OSBP2: variants seen among roughly 807,000 people sequenced by gnomAD.
The protein encoded by OSBP2 is oxysterol-binding protein 2.
A neutral mutation model predicts 96.0 loss-of-function variants in OSBP2; 66 were observed. That is an observed-to-expected ratio of 0.69 (90% confidence interval 0.56 to 0.84). The LOEUF is 0.84. Ranked by LOEUF, OSBP2 falls within the 40% of genes least tolerant of loss-of-function variation. The pLI is 0.00. For synonymous variants in OSBP2, 525 were observed against 520.9 expected (o/e 1.01, Z -0.11); for missense variants, 1,038 against 1,222.7 (o/e 0.85, Z 2.25).
rs543354198 is a variant in OSBP2 at position 30,718,788 on chromosome 22, A to G, written c.645-22373A>G. ...CAGTACTAACAGATTTGTTGCAGAA[A>G]TGGCCTGGGCCCTTGCTCCTGAGCC... On this transcript the variant is annotated intron_variant, in intron 1 of 13. Coordinates refer to ENST00000332585, the MANE Select transcript of OSBP2 (RefSeq NM_030758.4). 3.9e-4 allele frequency among the ~76,000 whole-genome samples: 60 copies of G among 152,194 alleles called. 2 individuals are homozygous for G. In the Middle Eastern group the frequency reaches 0.027, roughly 69 times the overall value.
chr22:30,816,423 A>G (rs136233), intron 2 of OSBP2, among the ~76,000 whole-genome samples: 24,415 of 152,104 alleles, frequency 0.16, 2,071 homozygotes, highest in East Asian at 0.19. Flanking sequence ...TGACATAGCA[A>G]TAGAATGGGC....
chr22:30,860,301 G>A (rs780163482), intron 2 of OSBP2, among the ~76,000 whole-genome samples: 1 of 152,130 alleles, frequency 6.6e-6, no homozygotes, highest in Non-Finnish European at 1.5e-5. Flanking sequence ...TTGGGGTTTA[G>A]AGTGAGCCCT....
rs2039430755 is a variant in OSBP2, at chr22:30,870,296, G to C, written c.854-133G>C. ...GGCACCTCACCCCGGCCAGGAACAG[G>C]AACGGGCACCATCTCGGGGACTGAT... is the stretch of plus-strand genomic sequence containing the variant. On this transcript the variant is annotated intron_variant, in intron 2 of 13. Coordinates refer to ENST00000332585, the MANE Select transcript of OSBP2 (RefSeq NM_030758.4). The surrounding 1 kb of genome is among the most constrained non-coding windows in gnomAD (Gnocchi z 4.1). 1.0e-6 allele frequency: 1 copy of C among 952,446 alleles called. No homozygotes were observed. The highest frequency in any genetic ancestry group is 1.6e-6 in the Non-Finnish European group (1 of 640,970). 59.0% of individuals were successfully genotyped at this position (952,446 alleles called of 1,614,324 possible). A position where few individuals can be genotyped will look rare whatever the true frequency, so the allele number is the denominator to read the frequency against.
chr22:30,881,552 G>A lies in OSBP2; in HGVS notation c.1108-5874G>A. The stretch of plus-strand genomic sequence containing the variant: ...TTGTCACACAGCCTCAGAGAAATGA[G>A]ACCACGTTCAGGCCTGGGCTGGGTC... On this transcript the variant is annotated intron_variant, in intron 3 of 13. Coordinates refer to ENST00000332585, the MANE Select transcript of OSBP2 (RefSeq NM_030758.4). The surrounding 1 kb of genome is among the most constrained non-coding windows in gnomAD (Gnocchi z 4.5). 1 of 705,456 alleles carries A rather than the reference G, an allele frequency of 1.4e-6. No individual in the cohort carries two copies. The highest frequency in any genetic ancestry group is 1.7e-5 in the South Asian group (1 of 57,484). The allele number at this position is 705,456 out of a possible 1,614,324, so 43.7% of individuals were successfully genotyped here. A position where few individuals can be genotyped will look rare whatever the true frequency, so the allele number is the denominator to read the frequency against.
At chr22:30,872,587 G>C (rs1056092252) in intron 3 of OSBP2, 2 of 359,346 alleles carry the variant, frequency 5.6e-6, no homozygotes, top group Non-Finnish European at 1.1e-5. Flanking sequence ...GAACATGGCG[G>C]CAGAGTCAGC....
At chr22:30,794,216 A>C (rs2090721135) in intron 2 of OSBP2, among the ~76,000 whole-genome samples, 4 of 151,810 alleles carry the variant, frequency 2.6e-5, no homozygotes. Flanking sequence ...GTTTTTTAAT[A>C]ATTTAAAAAA....
chr22:30,836,585 G>A (rs916264855), intron 2 of OSBP2, among the ~76,000 whole-genome samples: 1 of 152,140 alleles, frequency 6.6e-6, no homozygotes, highest in Admixed American at 6.5e-5. Context: ...CTGCCAAACC[G>A]GAGATATTTC....
At chr22:30,830,300 A>G (rs1259909281) in intron 2 of OSBP2, among the ~76,000 whole-genome samples, 1 of 152,186 alleles carries the variant, frequency 6.6e-6, no homozygotes, top group Non-Finnish European at 1.5e-5. Context: ...TTCCTGACGC[A>G]TATCTTCAGA....
intron 12 of OSBP2, among the ~76,000 whole-genome samples, chr22:30,898,317 C>T (rs1190991254): frequency 6.6e-6 from 1 of 151,934 alleles, no homozygotes; most frequent in African/African-American, 2.4e-5. Context: ...CACACCACTG[C>T]ACTCTAGCCT....
Position 30,741,186 on chromosome 22 carries a change from T to G in OSBP2, c.670T>G (p.Cys224Gly). 6.2e-7 allele frequency: 1 copy of G among 1,614,158 alleles called. No individual in the cohort carries two copies. The highest frequency in any genetic ancestry group is 8.5e-7 in the Non-Finnish European group (1 of 1,179,992). ...YRNQGEMAHTCRGTINLSTAH... is the reference protein window; with the variant it reads ...YRNQGEMAHTGRGTINLSTAH... ...AAATCAGGGTGAAATGGCCCACACG[T>G]GCCGTGGAACCATCAACCTGTCCAC... The change falls in exon 2 of 14, where the codon TGC becomes GGC. Residue 224 changes from cysteine to glycine, a missense_variant. Around this residue, in one of 3 missense-constraint regions of OSBP2, gnomAD observed 281 missense variants for 273.4 expected, o/e 1.03. Transcript: ENST00000332585.
At chr22:30,704,390 C>T (rs777113507) in intron 1 of OSBP2, among the ~76,000 whole-genome samples, 10 of 152,116 alleles carry the variant, frequency 6.6e-5, no homozygotes, top group East Asian at 3.8e-4. Flanking sequence ...TGACAACGCA[C>T]GTGAAATGCT....
At chr22:30,902,391 C>G in intron 12 of OSBP2, 3 of 1,569,134 alleles carry the variant, frequency 1.9e-6, no homozygotes, top group Non-Finnish European at 2.6e-6. Context: ...CTTAAGGAAG[C>G]TTGACATACG....
intron 1 of OSBP2, among the ~76,000 whole-genome samples, chr22:30,730,807 TAA>T (rs1491381691): frequency 0.064 from 2,811 of 44,122 alleles, 270 homozygotes; most frequent in African/African-American, 0.09. Flanking sequence ...TATATATATA[TAA>T]TTTTTTTTTT....
chr22:30,838,397 A>C (rs997336898), intron 2 of OSBP2, among the ~76,000 whole-genome samples: 1 of 152,228 alleles, frequency 6.6e-6, no homozygotes, highest in Non-Finnish European at 1.5e-5. Flanking sequence ...ATATAGGAAA[A>C]TATGAGGAAA....
In OSBP2 at chr22:30,906,649, G is replaced by A. The variant is rs1029927235; in HGVS notation, c.*310G>A. 7 of 270,444 alleles carry A rather than the reference G, an allele frequency of 2.6e-5. No individual in the cohort carries two copies. The East Asian group carries it at 4.6e-4, about 18-fold the overall frequency. 16.8% of individuals were successfully genotyped at this position (270,444 alleles called of 1,614,324 possible). On this transcript the variant is annotated 3_prime_UTR_variant, in exon 14 of 14. Transcript: ENST00000332585. ...CCGGCTGGCCCGGGCCATGGGCTGC[G>A]CAAATCACCAGCCCCCAACCCAGGG...
intron 2 of OSBP2, among the ~76,000 whole-genome samples, chr22:30,816,542 A>C (rs150860937): frequency 1.2e-3 from 176 of 152,284 alleles, no homozygotes; most frequent in African/African-American, 4.2e-3. Context: ...TTCCAAATGC[A>C]TGTGCAGGGA....
intron 2 of OSBP2, among the ~76,000 whole-genome samples, chr22:30,804,481 A>T (rs924381340): frequency 1.2e-4 from 19 of 152,136 alleles, no homozygotes; most frequent in African/African-American, 4.6e-4. Flanking sequence ...GGAGGGGGGA[A>T]GATATGTGAG....
chr22:30,766,244 T>C (rs2090268053), intron 2 of OSBP2, among the ~76,000 whole-genome samples: 1 of 151,902 alleles, frequency 6.6e-6, no homozygotes, highest in Admixed American at 6.6e-5. Context: ...AAAAAACTGG[T>C]AGTAGTGAAG....
At chr22:30,856,389 T>C (rs890241463) in intron 2 of OSBP2, among the ~76,000 whole-genome samples, 5 of 141,586 alleles carry the variant, frequency 3.5e-5, no homozygotes, top group East Asian at 2.0e-4. Context: ...TTTTTTTTTT[T>C]TTTTTTTTTT....
Sources: allele counts gnomAD v4.1 joint callset (sites outside exome capture counted in the v4.1 genomes callset), GRCh38; gene constraint gnomAD v4.1.1; regional missense constraint gnomAD v4.1.1; non-coding constraint Gnocchi (gnomAD v3.1); transcripts MANE v1.5; gene names NCBI Gene and HGNC (gene_info 2026-07-23, HGNC 2026-07-21).